The following GADD45B variants were observed in gnomAD, a reference collection of about 807,000 sequenced individuals.
GADD45B encodes growth arrest and DNA damage-inducible protein GADD45 beta.
In GADD45B, 8 loss-of-function variants were observed where a neutral mutation model predicts 15.2. That is an observed-to-expected ratio of 0.53 (90% CI 0.31 to 0.95). The LOEUF is 0.95. Among genes scored for constraint, GADD45B ranks in the 40% least tolerant of loss-of-function variants. The probability of loss-of-function intolerance (pLI) is 0.05; values close to 1 mark genes in which losing one functional copy is unlikely to be tolerated. For synonymous variants in GADD45B, 100 were observed against 89.8 expected (o/e 1.11, Z -0.64); for missense variants, 162 against 216.6 (o/e 0.75, Z 1.58).
chr19:2,476,969 C>T (rs1236565921), intron 2 of GADD45B, 60 bp from the exon 3 acceptor site: 6 of 1,148,214 alleles, frequency 5.2e-6, no homozygotes, highest in Non-Finnish European at 6.5e-6. Flanking sequence ...CAAACTCCCC[C>T]TGCACGGTGG....
intron 2 of GADD45B, 151 bp from the exon 3 acceptor site, chr19:2,476,878 T>TC (rs1972323776): frequency 3.6e-6 from 2 of 558,636 alleles, no homozygotes; most frequent in Middle Eastern, 4.5e-4. Context: ...TGCCCTCCCC[T>TC]CCCCCCACCG....
chr19:2,477,534 C>T lies in GADD45B; in HGVS notation c.416C>T (p.Ala139Val). ...AAGAGCCACGGCTTGGTGGAGGTGG[C>T]CAGCTACTGCGAAGAAAGCCGGGGC... Reference protein sequence around the residue: ...AWKSHGLVEVASYCEESRGNN... With the variant: ...AWKSHGLVEVVSYCEESRGNN... The change falls in exon 4 of 4, where the codon GCC (alanine) becomes GTC (valine). Residue 139 changes from alanine to valine, a missense_variant. Ala to Val is a moderately conservative substitution (Grantham distance 64). Coordinates refer to ENST00000215631, the MANE Select transcript of GADD45B (RefSeq NM_015675.4). The surrounding 1 kb of genome is among the most constrained non-coding windows in gnomAD (Gnocchi z 4.2). The T allele has an allele frequency of 6.2e-7, 1 of 1,613,772 alleles. No homozygotes were observed.
Position 2,477,694 on chromosome 19 carries a change from CAAA to C in GADD45B, c.*95_*97del. On this transcript the variant is annotated 3_prime_UTR_variant, in exon 4 of 4. Transcript: ENST00000215631. The surrounding 1 kb of genome is among the most constrained non-coding windows in gnomAD (Gnocchi z 4.2). ...CCCCTCCCCCCCAGCACAACCCCCC[CAAA>C]ACAACCCAACCCACGAGGACCATCG... 3.3e-6 allele frequency: 2 copies of C among 614,930 alleles called. No individual in the cohort carries two copies. The highest frequency in any genetic ancestry group is 5.8e-6 in the Non-Finnish European group (2 of 343,994). 38.1% of individuals were successfully genotyped at this position (614,930 alleles called of 1,614,324 possible).
In GADD45B at chr19:2,477,321, C is replaced by G; in HGVS notation, c.369+70C>G. ...GCCGGTGTTTGTCAACAAAGTCGGG[C>G]TGACTGGTCCTGCACAGCTCAGCGC... On this transcript the variant is annotated intron_variant, in intron 3 of 3. Coordinates refer to ENST00000215631, the MANE Select transcript of GADD45B (RefSeq NM_015675.4). The surrounding 1 kb of genome is among the most constrained non-coding windows in gnomAD (Gnocchi z 4.2). 8.8e-7 allele frequency: 1 copy of G among 1,134,880 alleles called. No individual in the cohort carries two copies. Among genetic ancestry groups the G allele is most frequent in the Non-Finnish European group, 1.2e-6 (1 of 801,616 alleles). 70.3% of individuals were successfully genotyped at this position (1,134,880 alleles called of 1,614,324 possible). A position where few individuals can be genotyped will look rare whatever the true frequency, so the allele number is the denominator to read the frequency against.
rs1162768180 is a variant in GADD45B at position 2,476,177 on chromosome 19, T to C, written c.-182T>C. On this transcript the variant is annotated 5_prime_UTR_variant, in exon 1 of 4. Transcript: ENST00000215631. ...TTGGTTTCCGCAACTTCCTGGATTA[T>C]CCTCGCCAAGGACTTTGCAATATAT... 1 of 659,690 alleles carries C rather than the reference T, an allele frequency of 1.5e-6. No individual in the cohort carries two copies. Among genetic ancestry groups the C allele is most frequent in the Non-Finnish European group, 2.7e-6 (1 of 374,442 alleles). The allele number at this position is 659,690 out of a possible 1,614,324, so 40.9% of individuals were successfully genotyped here.
intron 2 of GADD45B, 93 bp from the exon 3 acceptor site, chr19:2,476,936 T>C (rs1599353777): frequency 3.9e-6 from 3 of 775,284 alleles, no homozygotes; most frequent in Non-Finnish European, 6.4e-6. Flanking sequence ...GTTTCTCTTT[T>C]GCTCTTGCAC....
intron 2 of GADD45B, 62 bp from the exon 3 acceptor site, chr19:2,476,967 C>A: frequency 9.1e-7 from 1 of 1,100,418 alleles, no homozygotes; most frequent in South Asian, 1.3e-5. Flanking sequence ...TGCAAACTCC[C>A]CCTGCACGGT....
chr19:2,476,705 G>T, intron 2 of GADD45B, 75 bp downstream of exon 2: 1 of 887,572 alleles, frequency 1.1e-6, no homozygotes. Context: ...CTTTCCGCAC[G>T]CTTGTCTTGC....
chr19:2,476,316 G>A lies in GADD45B; in HGVS notation c.-43G>A, dbSNP rs531896163. 1.6e-5 allele frequency: 26 copies of A among 1,605,738 alleles called. No individual in the cohort carries two copies. The highest frequency in any genetic ancestry group is 1.5e-4 in the Admixed American group (9 of 60,014). On this transcript the variant is annotated 5_prime_UTR_variant, in exon 1 of 4. Transcript: ENST00000215631. ...CTCGGATTTTGCAATTTCTCCCTGG[G>A]GACTGCCGTGGAGCCGCATCCACTG...
intron 2 of GADD45B, 109 bp downstream of exon 2, chr19:2,476,739 G>GC (rs1972321263): frequency 2.3e-5 from 16 of 691,818 alleles, no homozygotes; most frequent in Middle Eastern, 4.1e-4. Flanking sequence ...TTCCCCAAGT[G>GC]CCCCCCGCTG....
Position 2,477,333 on chromosome 19 carries a change from G to A in GADD45B, c.369+82G>A. ...CAACAAAGTCGGGCTGACTGGTCCT[G>A]CACAGCTCAGCGCTCAGCCACGTTT... On this transcript the variant is annotated intron_variant, in intron 3 of 3. Coordinates refer to ENST00000215631, the MANE Select transcript of GADD45B (RefSeq NM_015675.4). The surrounding 1 kb of genome is among the most constrained non-coding windows in gnomAD (Gnocchi z 4.2). 1 of 1,080,266 alleles carries A rather than the reference G, an allele frequency of 9.3e-7. No individual in the cohort carries two copies. The highest frequency in any genetic ancestry group is 1.3e-6 in the Non-Finnish European group (1 of 752,428). 66.9% of individuals were successfully genotyped at this position (1,080,266 alleles called of 1,614,324 possible). A position where few individuals can be genotyped will look rare whatever the true frequency, so the allele number is the denominator to read the frequency against.
chr19:2,477,463 A>G lies in GADD45B; in HGVS notation c.370-25A>G, dbSNP rs771473786. ...GGCCCCGGGAGAGGGAGGCTCCACTAAACCCCTTCTTTTCCCTCCTACAGA... is the reference window on the plus strand; with the variant it reads ...GGCCCCGGGAGAGGGAGGCTCCACTGAACCCCTTCTTTTCCCTCCTACAGA... On this transcript the variant is annotated intron_variant, in intron 3 of 3. Transcript: ENST00000215631. This position sits in a 1 kb window ranked among gnomAD's most constrained non-coding sequence, Gnocchi z 4.2. 77 of 1,509,092 alleles carry G rather than the reference A, an allele frequency of 5.1e-5. No individual in the cohort carries two copies. Among genetic ancestry groups the G allele is most frequent in the Non-Finnish European group, 7.0e-5 (76 of 1,086,414 alleles). The allele number at this position is 1,509,092 out of a possible 1,614,324, so 93.5% of individuals were successfully genotyped here.
Position 2,476,296 on chromosome 19 carries a change from A to C in GADD45B, c.-63A>C. ...GAAGGTTTTGGGCTCTCTGGCTCGG[A>C]TTTTGCAATTTCTCCCTGGGGACTG... On this transcript the variant is annotated 5_prime_UTR_variant, in exon 1 of 4. Coordinates refer to ENST00000215631, the MANE Select transcript of GADD45B (RefSeq NM_015675.4). 6.4e-7 allele frequency: 1 copy of C among 1,553,424 alleles called. No individual in the cohort carries two copies. The highest frequency in any genetic ancestry group is 2.2e-5 in the East Asian group (1 of 44,576).
rs1972319635 is a variant in GADD45B, at chr19:2,476,649, C to T, written c.146+19C>T. On this transcript the variant is annotated intron_variant, in intron 2 of 3. Transcript: ENST00000215631. ...TGAATGTGTGAGTCAGACCCCCTTC[C>T]CGGGCTGGGCGCGGGTGGGACGGGA... The T allele has an allele frequency of 2.8e-6, 4 of 1,447,366 alleles. No individual in the cohort carries two copies. Among genetic ancestry groups the T allele is most frequent in the Admixed American group, 2.0e-5 (1 of 49,726 alleles). The allele number at this position is 1,447,366 out of a possible 1,614,324, so 89.7% of individuals were successfully genotyped here.
At position 2,476,287 on chromosome 19, in the gene GADD45B, C is replaced by G. The variant is rs1234656371; in HGVS notation, c.-72C>G. 4 of 1,489,102 alleles carry G rather than the reference C, an allele frequency of 2.7e-6. No individual in the cohort carries two copies. Among genetic ancestry groups the G allele is most frequent in the Middle Eastern group, 3.4e-4 (2 of 5,836 alleles). 92.2% of individuals were successfully genotyped at this position (1,489,102 alleles called of 1,614,324 possible). On this transcript the variant is annotated 5_prime_UTR_variant, in exon 1 of 4. Transcript: ENST00000215631. ...GCTCTGTGGGAAGGTTTTGGGCTCT[C>G]TGGCTCGGATTTTGCAATTTCTCCC...
Position 2,477,021 on chromosome 19 carries a change from C to T in GADD45B, c.147-8C>T. 1.3e-6 allele frequency: 2 copies of T among 1,599,120 alleles called. No homozygotes were observed. The highest frequency in any genetic ancestry group is 1.7e-6 in the Non-Finnish European group (2 of 1,166,914). On this transcript the variant is annotated splice_polypyrimidine_tract_variant and splice_region_variant and intron_variant, in intron 2 of 3. Transcript: ENST00000215631. This position sits in a 1 kb window ranked among gnomAD's most constrained non-coding sequence, Gnocchi z 4.2. Reference sequence around the variant, plus strand: ...GGCTGACCCATCCCTACCCTTTGGCCCCCTCAGGGACCCAGACAGCGTGGT... The same window carrying T: ...GGCTGACCCATCCCTACCCTTTGGCTCCCTCAGGGACCCAGACAGCGTGGT...
intron 2 of GADD45B, 33 bp from the exon 3 acceptor site, chr19:2,476,996 G>A (rs1972326406): frequency 1.4e-6 from 2 of 1,477,894 alleles, no homozygotes; most frequent in South Asian, 1.1e-5. Context: ...CCCTGTCCCC[G>A]GCTGACCCAT....
Position 2,476,276 on chromosome 19 carries a change from T to A in GADD45B, c.-83T>A, listed in dbSNP as rs1213292072. 4 of 1,353,120 alleles carry A rather than the reference T, an allele frequency of 3.0e-6. No homozygotes were observed. Among genetic ancestry groups the A allele is most frequent in the African/African-American group, 1.4e-5 (1 of 69,948 alleles). 83.8% of individuals were successfully genotyped at this position (1,353,120 alleles called of 1,614,324 possible). On this transcript the variant is annotated 5_prime_UTR_variant, in exon 1 of 4. Transcript: ENST00000215631. The stretch of plus-strand genomic sequence containing the variant: ...CGAGCGCTCTAGCTCTGTGGGAAGG[T>A]TTTGGGCTCTCTGGCTCGGATTTTG...
intron 2 of GADD45B, 53 bp downstream of exon 2, chr19:2,476,683 C>T: frequency 9.5e-7 from 1 of 1,055,482 alleles, no homozygotes; most frequent in Non-Finnish European, 1.4e-6. Flanking sequence ...GACCTCCCCT[C>T]CGCTCTGGAC....
Sources: allele counts gnomAD v4.1 joint callset, GRCh38; gene constraint gnomAD v4.1.1; non-coding constraint Gnocchi (gnomAD v3.1); transcripts MANE v1.5; gene names NCBI Gene and HGNC (gene_info 2026-07-23, HGNC 2026-07-21).